Variants in CREBBP observed in about 807,000 individuals in gnomAD.
CREBBP encodes the protein CREB binding lysine acetyltransferase, also known as CREB-binding protein.
A neutral mutation model predicts 265.0 loss-of-function variants in CREBBP; 19 were observed. That is an observed-to-expected ratio of 0.07 (90% CI 0.05 to 0.11). CREBBP has a LOEUF of 0.11. Ranked by LOEUF, CREBBP falls within the 10% of genes least tolerant of loss-of-function variation. The pLI is 1.00. For synonymous variants in CREBBP, 1,457 were observed against 1,223.7 expected (o/e 1.19, Z -3.98); for missense variants, 2,525 against 3,219.0 (o/e 0.78, Z 5.22).
chr16:3,800,760 G>A (rs2053696491), intron 3 of CREBBP, among the ~76,000 whole-genome samples: 1 of 152,076 alleles, frequency 6.6e-6, no homozygotes, highest in African/African-American at 2.4e-5. Context: ...TGAGAAAAGA[G>A]AAAAAAGAAC....
chr16:3,760,126 C>G (rs1199622794), intron 16 of CREBBP, among the ~76,000 whole-genome samples: 16 of 152,178 alleles, frequency 1.1e-4, no homozygotes, highest in Admixed American at 1.0e-3. Context: ...AGGTCGCACT[C>G]TGTTGCCCAG....
chr16:3,757,765 A>C (rs1238680255), intron 18 of CREBBP, 44 bp downstream of exon 18: 2 of 1,610,472 alleles, frequency 1.2e-6, no homozygotes, highest in Admixed American at 3.3e-5. Context: ...CTCTGGCTGG[A>C]TTAACCAGGA....
In CREBBP at chr16:3,727,922, G is replaced by A. The variant is rs746116315; in HGVS notation, c.7125C>T (p.His2375=). Residue 2375 remains histidine (H), a synonymous_variant, in exon 31 of 31, where the codon CAC becomes CAT. Transcript: ENST00000262367. ...GGGGGGAACCAGTCTGGGGTGAGAC[G>A]TGGTGTGGCGAAGGCTGGGGCTGTA... ...PRIQPQPSPH[H]VSPQTGSPHP... 82 of 1,610,662 alleles carry A rather than the reference G, an allele frequency of 5.1e-5. No homozygotes were observed. The highest frequency in any genetic ancestry group is 1.6e-4 in the East Asian group (7 of 44,818).
chr16:3,838,883 C>T (rs2054509804), intron 2 of CREBBP, among the ~76,000 whole-genome samples: 1 of 152,112 alleles, frequency 6.6e-6, no homozygotes, highest in African/African-American at 2.4e-5. Flanking sequence ...TTTCGGAAAA[C>T]ATTAGAAAAG....
chr16:3,781,362 G>T, intron 6 of CREBBP, 56 bp from the exon 7 acceptor site: 1 of 1,396,286 alleles, frequency 7.2e-7, no homozygotes, highest in Non-Finnish European at 1.0e-6. Context: ...ATACTTCAAA[G>T]TTTTGATGAC....
chr16:3,809,414 G>C (rs1426514087), intron 3 of CREBBP, among the ~76,000 whole-genome samples: 1 of 152,118 alleles, frequency 6.6e-6, no homozygotes, highest in African/African-American at 2.4e-5. Flanking sequence ...CTGACCTAGT[G>C]ATCCACCCGC....
At chr16:3,745,031 A>G in intron 22 of CREBBP, 70 bp from the exon 23 acceptor site, 1 of 1,173,928 alleles carries the variant, frequency 8.5e-7, no homozygotes, top group Non-Finnish European at 1.3e-6. Context: ...AAAATGCAGC[A>G]TTCAGATAGT....
chr16:3,859,364 T>G (rs918599671), intron 1 of CREBBP, among the ~76,000 whole-genome samples: 3 of 152,126 alleles, frequency 2.0e-5, no homozygotes, highest in African/African-American at 7.2e-5. Context: ...GGCTAATTTT[T>G]TGTATTTTCA....
chr16:3,749,811 T>A, intron 20 of CREBBP, 128 bp from the exon 21 acceptor site: 1 of 639,402 alleles, frequency 1.6e-6, no homozygotes, highest in Non-Finnish European at 2.8e-6. Context: ...CCCCTTAAAA[T>A]CTCAAGTACA....
At chr16:3,871,195 TCACTCACA>T (rs1220958784) in intron 1 of CREBBP, among the ~76,000 whole-genome samples, 78 of 79,168 alleles carry the variant, frequency 9.9e-4, no homozygotes, top group South Asian at 2.8e-3. Flanking sequence ...TCTCTCTCTC[TCACTCACA>T]CACACACACA....
intron 2 of CREBBP, chr16:3,840,415 T>C (rs1349256817): frequency 2.0e-5 from 3 of 152,192 alleles, no homozygotes; most frequent in African/African-American, 7.3e-5. Context: ...ATGGTTGGAG[T>C]TCGGGTTTTC....
rs764774054 is a variant in CREBBP at position 3,850,863 on chromosome 16, T to C, written c.232A>G (p.Ser78Gly). ...ATTCCTGGGTTGATACTAGAGCCGC[T>C]GCCTCCTCGTAGAAGCTCCGACAGT... is the stretch of plus-strand genomic sequence containing the variant. ...KQLSELLRGG[S>G]GSSINPGIGN... Residue 78 changes from serine to glycine, a missense_variant, in exon 2 of 31, where the codon AGC becomes GGC. Coordinates refer to ENST00000262367, the MANE Select transcript of CREBBP (RefSeq NM_004380.3). The C allele has an allele frequency of 1.2e-6, 2 of 1,614,084 alleles. No homozygotes were observed. Among genetic ancestry groups the C allele is most frequent in the Non-Finnish European group, 8.5e-7 (1 of 1,180,044 alleles).
chr16:3,728,627 CTGCAGGCTGGGCTGCTGG>C lies in CREBBP; in HGVS notation c.6402_6419del (p.His2134_Leu2139del), dbSNP rs2051819081. The C allele has an allele frequency of 1.9e-6, 3 of 1,613,664 alleles. No individual in the cohort carries two copies. In the East Asian group the frequency reaches 6.7e-5, roughly 36 times the overall value. Reference sequence around the variant, plus strand: ...CGCCAGCCTGCATGGCATTCAGGTTCTGCAGGCTGGGCTGCTGGTGCATGCCAGGCTGGGGTTGCATGC... The same window carrying C: ...CGCCAGCCTGCATGGCATTCAGGTTCTGCATGCCAGGCTGGGGTTGCATGC... On this transcript the variant is annotated inframe_deletion, in exon 31 of 31. Coordinates refer to ENST00000262367, the MANE Select transcript of CREBBP (RefSeq NM_004380.3). This position sits in a 1 kb window ranked among gnomAD's most constrained non-coding sequence, Gnocchi z 8.7.
chr16:3,845,162 A>C (rs556110081), intron 2 of CREBBP, among the ~76,000 whole-genome samples: 20 of 152,350 alleles, frequency 1.3e-4, no homozygotes, highest in Non-Finnish European at 2.2e-4. Flanking sequence ...GGAACTACAC[A>C]CTATACGAAT....
chr16:3,864,169 C>G (rs150510724), intron 1 of CREBBP, among the ~76,000 whole-genome samples: 90 of 152,322 alleles, frequency 5.9e-4, no homozygotes, highest in African/African-American at 2.1e-3. Flanking sequence ...ATCCAGAGAC[C>G]AGGTCCTTTG....
At chr16:3,821,441 C>T (rs929207209) in intron 2 of CREBBP, among the ~76,000 whole-genome samples, 9 of 152,192 alleles carry the variant, frequency 5.9e-5, no homozygotes, top group African/African-American at 1.9e-4. Flanking sequence ...ATCCCCACTG[C>T]CCAGTGACTG....
At chr16:3,737,211 T>C (rs536386090) in intron 26 of CREBBP, among the ~76,000 whole-genome samples, 26 of 152,302 alleles carry the variant, frequency 1.7e-4, no homozygotes, top group African/African-American at 6.0e-4. Flanking sequence ...ATTCATTCTG[T>C]TCAAGACACT....
chr16:3,860,530 A>G (rs1257223656), intron 1 of CREBBP, among the ~76,000 whole-genome samples: 1 of 152,188 alleles, frequency 6.6e-6, no homozygotes, highest in Admixed American at 6.5e-5. Context: ...AGAATTTTTA[A>G]TTTCTAAGTT....
At chr16:3,850,254 C>T (rs371836684) in intron 2 of CREBBP, 43 bp downstream of exon 2, 24 of 1,606,218 alleles carry the variant, frequency 1.5e-5, no homozygotes, top group South Asian at 8.8e-5. Context: ...AGGGAAAGCC[C>T]GCGGTTAGGT....
Sources: gnomAD v4.1 joint callset for allele counts (sites outside exome capture counted in the v4.1 genomes callset) on GRCh38, gnomAD v4.1.1 for gene constraint, Gnocchi (gnomAD v3.1) non-coding constraint, MANE v1.5 for transcripts, NCBI Gene and HGNC (gene_info 2026-07-23, HGNC 2026-07-21) for gene names.